NTRK2: variants seen among roughly 807,000 people sequenced by gnomAD.
NTRK2 encodes the protein BDNF/NT-3 growth factors receptor.
Under a neutral mutation model 94.5 loss-of-function variants are expected in NTRK2, and 13 were observed. That is an observed-to-expected ratio of 0.14 (90% confidence interval 0.09 to 0.22). The LOEUF (loss-of-function observed/expected upper bound fraction) is 0.22. Ranked by LOEUF, NTRK2 falls within the 10% of genes least tolerant of loss-of-function variation. The pLI, the probability that NTRK2 is intolerant of heterozygous loss-of-function variation, is 1.00. For synonymous variants in NTRK2, 372 were observed against 407.4 expected (o/e 0.91, Z 1.05); for missense variants, 639 against 1,071.2 (o/e 0.60, Z 5.63).
chr9:84,795,924 A>G (rs1278949660), intron 12 of NTRK2, among the ~76,000 whole-genome samples: 1 of 150,556 alleles, frequency 6.6e-6, no homozygotes, highest in Non-Finnish European at 1.5e-5. Flanking sequence ...TGCTATATAG[A>G]TGTCACAATG....
intron 15 of NTRK2, among the ~76,000 whole-genome samples, chr9:84,944,019 C>T (rs909469976): frequency 1.3e-5 from 2 of 152,044 alleles, no homozygotes; most frequent in Admixed American, 6.6e-5. Flanking sequence ...TTGTGAGATG[C>T]ATTTGCCCCA....
At chr9:84,915,427 G>C (rs573995468) in intron 14 of NTRK2, among the ~76,000 whole-genome samples, 10 of 152,290 alleles carry the variant, frequency 6.6e-5, no homozygotes, top group African/African-American at 2.4e-4. Flanking sequence ...GAGAGCCCTG[G>C]TTGTTGAAAA....
intron 12 of NTRK2, among the ~76,000 whole-genome samples, chr9:84,794,603 G>A (rs557148070): frequency 1.3e-3 from 195 of 152,198 alleles, no homozygotes; most frequent in Non-Finnish European, 2.1e-3. Flanking sequence ...TGTGCCTTGC[G>A]CAATACAGAA....
intron 12 of NTRK2, among the ~76,000 whole-genome samples, chr9:84,764,489 T>G (rs190437902): frequency 3.0e-4 from 46 of 152,342 alleles, no homozygotes; most frequent in Non-Finnish European, 1.6e-4. Context: ...CTTGAGGCAA[T>G]GATTGGGTGC....
At chr9:84,703,598 T>A (rs1420785628) in intron 4 of NTRK2, among the ~76,000 whole-genome samples, 1 of 152,152 alleles carries the variant, frequency 6.6e-6, no homozygotes, top group Non-Finnish European at 1.5e-5. Flanking sequence ...GAAACCATTC[T>A]CTTAGAAGCA....
intron 15 of NTRK2, among the ~76,000 whole-genome samples, chr9:84,935,437 A>G (rs886299033): frequency 1.3e-5 from 2 of 152,232 alleles, no homozygotes; most frequent in Admixed American, 1.3e-4. Context: ...CCAAATAGAA[A>G]ATCTGTACAT....
chr9:84,934,177 A>G lies in NTRK2; in HGVS notation c.1649A>G (p.Lys550Arg), dbSNP rs1406295517. The change falls in exon 15 of 19, where the codon AAG (lysine) becomes AGG (arginine). Residue 550 changes from lysine to arginine, a missense_variant. Physicochemically the swap from Lys to Arg is conservative, Grantham distance 26. Coordinates refer to ENST00000277120, the MANE Select transcript of NTRK2 (RefSeq NM_006180.6). The stretch of plus-strand genomic sequence containing the variant: ...TGTTTTGCAGTTGTTCAGCACATCA[A>G]GCGACATAACATTGTTCTGAAAAGG... ...LKPDTFVQHIKRHNIVLKREL... is the reference protein window; with the variant it reads ...LKPDTFVQHIRRHNIVLKREL... The G allele has an allele frequency of 6.2e-7, 1 of 1,613,948 alleles. No individual in the cohort carries two copies. The highest frequency in any genetic ancestry group is 8.5e-7 in the Non-Finnish European group (1 of 1,179,918).
chr9:84,684,740 T>C (rs2059606061), intron 2 of NTRK2, among the ~76,000 whole-genome samples: 1 of 152,234 alleles, frequency 6.6e-6, no homozygotes, highest in Non-Finnish European at 1.5e-5. Context: ...TGCGATTATG[T>C]AATTATGATT....
chr9:84,776,674 C>T (rs116655065), intron 12 of NTRK2, among the ~76,000 whole-genome samples: 272 of 152,322 alleles, frequency 1.8e-3, no homozygotes, highest in African/African-American at 6.1e-3. Flanking sequence ...TTTTACACAG[C>T]ATGTGGCATG....
intron 12 of NTRK2, chr9:84,812,903 GA>G: frequency 9.7e-7 from 1 of 1,033,722 alleles, no homozygotes; most frequent in South Asian, 4.6e-5. Context: ...AGGGAATGAT[GA>G]AAACAGCAGG....
At chr9:84,669,603 C>A (rs1024520479), upstream of NTRK2, 1 of 153,228 alleles carries the variant, frequency 6.5e-6, no homozygotes, top group Non-Finnish European at 1.5e-5. The surrounding 1 kb of genome is among the most constrained non-coding windows in gnomAD (Gnocchi z 4.1). Flanking sequence ...AGATTCCCCT[C>A]CCCTCCCTGG....
intron 14 of NTRK2, among the ~76,000 whole-genome samples, chr9:84,926,514 G>C (rs1235509891): frequency 6.6e-6 from 1 of 152,032 alleles, no homozygotes; most frequent in Admixed American, 6.6e-5. Context: ...TTACAGGCAT[G>C]AGCCACCGCA....
At chr9:84,970,756 C>G (rs1156327697) in intron 17 of NTRK2, among the ~76,000 whole-genome samples, 1 of 152,246 alleles carries the variant, frequency 6.6e-6, no homozygotes, top group Non-Finnish European at 1.5e-5. Flanking sequence ...AGCAACTTCA[C>G]TTACTTCTGG....
At chr9:84,903,216 C>T (rs1249347443) in intron 14 of NTRK2, among the ~76,000 whole-genome samples, 1 of 152,148 alleles carries the variant, frequency 6.6e-6, no homozygotes, top group Admixed American at 6.5e-5. Context: ...TCTGTTGGTG[C>T]TTGTGGTGCT....
intron 15 of NTRK2, among the ~76,000 whole-genome samples, chr9:84,942,646 T>G (rs2132816100): frequency 6.6e-6 from 1 of 152,306 alleles, no homozygotes; most frequent in Non-Finnish European, 1.5e-5. Flanking sequence ...CATATGAAAC[T>G]TATTTTATCG....
Position 84,926,649 on chromosome 9 carries a change from C to T in NTRK2, c.1634-7513C>T, listed in dbSNP as rs1272028923. Among the ~76,000 whole-genome samples the T allele has an allele frequency of 4.6e-5, 7 of 152,304 alleles. No homozygotes were observed. In the South Asian group the frequency reaches 1.0e-3, roughly 23 times the overall value. ...TTCTTTCACCTCATCCTGGTTCTTT[C>T]TCTTCTCCCCTCTTAAGTGTTCTCT... On this transcript the variant is annotated intron_variant, in intron 14 of 18. Coordinates refer to ENST00000277120, the MANE Select transcript of NTRK2 (RefSeq NM_006180.6).
At chr9:84,863,274 G>C (rs909003770) in intron 13 of NTRK2, among the ~76,000 whole-genome samples, 2 of 152,142 alleles carry the variant, frequency 1.3e-5, no homozygotes, top group African/African-American at 4.8e-5. Flanking sequence ...AGAAATGTCT[G>C]TAAAGTCATA....
At chr9:84,713,721 A>AT (rs1233072435) in intron 6 of NTRK2, among the ~76,000 whole-genome samples, 1 of 152,082 alleles carries the variant, frequency 6.6e-6, no homozygotes, top group Non-Finnish European at 1.5e-5. Context: ...ATTGCACCAT[A>AT]TTCTTTTTGT....
In NTRK2 at chr9:85,023,705, G is replaced by T. The variant is rs181893923; in HGVS notation, c.*2268G>T. 1.3e-4 allele frequency: 31 copies of T among 231,112 alleles called. No individual in the cohort carries two copies. Among genetic ancestry groups the T allele is most frequent in the African/African-American group, 6.9e-4 (31 of 45,244 alleles). 14.3% of individuals were successfully genotyped at this position (231,112 alleles called of 1,614,324 possible). ...TGTATGTATCATATTAAGGACCCAT[G>T]GTACTCTTAAAACACTGTAGAACTC... On this transcript the variant is annotated 3_prime_UTR_variant, in exon 19 of 19. Coordinates refer to ENST00000277120, the MANE Select transcript of NTRK2 (RefSeq NM_006180.6).
Sources: allele counts gnomAD v4.1 joint callset (sites outside exome capture counted in the v4.1 genomes callset), GRCh38; gene constraint gnomAD v4.1.1; non-coding constraint Gnocchi (gnomAD v3.1); transcripts MANE v1.5; gene names NCBI Gene and HGNC (gene_info 2026-07-23, HGNC 2026-07-21).